The following LINGO2 variants were observed in gnomAD, a reference collection of about 807,000 sequenced individuals.
LINGO2 encodes the protein leucine rich repeat and Ig domain containing 2.
Under a neutral mutation model 30.6 loss-of-function variants are expected in LINGO2, and 14 were observed. The observed-to-expected ratio is 0.46, with a 90% confidence interval of 0.30 to 0.72. The LOEUF is 0.72. Among genes scored for constraint, LINGO2 ranks in the 30% least tolerant of loss-of-function variants. The probability of loss-of-function intolerance (pLI) is 0.07; values close to 1 mark genes in which losing one functional copy is unlikely to be tolerated. For synonymous variants in LINGO2, 317 were observed against 288.5 expected (o/e 1.10, Z -1.00); for missense variants, 729 against 751.7 (o/e 0.97, Z 0.35).
At chr9:29,080,107 T>A in the LINGO2 span, among the ~76,000 whole-genome samples, 1 of 152,116 alleles carries the variant, frequency 6.6e-6, no homozygotes, top group African/African-American at 2.4e-5. Context: ...TATTAATTAT[T>A]GCCTCAATTT....
intron 1 of LINGO2, among the ~76,000 whole-genome samples, chr9:28,539,545 T>A (rs1323900759): frequency 6.6e-6 from 1 of 152,150 alleles, no homozygotes; most frequent in Non-Finnish European, 1.5e-5. Context: ...ATTGTGAACC[T>A]TGTAATGAAA....
At chr9:28,989,139 C>A in the LINGO2 span, among the ~76,000 whole-genome samples, 1 of 152,182 alleles carries the variant, frequency 6.6e-6, no homozygotes, top group Non-Finnish European at 1.5e-5. Flanking sequence ...CCAGTACCTT[C>A]AAAGGACACT....
chr9:28,778,153 T>A, the LINGO2 span, among the ~76,000 whole-genome samples: 1 of 152,158 alleles, frequency 6.6e-6, no homozygotes, highest in African/African-American at 2.4e-5. Context: ...AGCAAGCAGT[T>A]CCTTCATTGG....
intron 4 of LINGO2, among the ~76,000 whole-genome samples, chr9:28,051,966 T>G (rs1248212929): frequency 5.3e-5 from 8 of 152,084 alleles, no homozygotes; most frequent in African/African-American, 1.9e-4. Flanking sequence ...CTGGGCACTG[T>G]AAGCATTGCC....
the LINGO2 span, among the ~76,000 whole-genome samples, chr9:28,708,113 G>C: frequency 6.6e-6 from 1 of 152,044 alleles, no homozygotes; most frequent in Non-Finnish European, 1.5e-5. Flanking sequence ...ATGAAATAAA[G>C]ATTGGCAGAA....
chr9:29,029,804 G>A, the LINGO2 span, among the ~76,000 whole-genome samples: 1 of 151,572 alleles, frequency 6.6e-6, no homozygotes, highest in Non-Finnish European at 1.5e-5. Context: ...TTCTGCCTCA[G>A]TTATTCTCAA....
At chr9:28,451,557 G>A (rs1332825546) in intron 2 of LINGO2, among the ~76,000 whole-genome samples, 1 of 151,584 alleles carries the variant, frequency 6.6e-6, no homozygotes, top group Non-Finnish European at 1.5e-5. Flanking sequence ...CCACAAATTG[G>A]GTTAGTATGG....
the LINGO2 span, among the ~76,000 whole-genome samples, chr9:28,743,004 C>T: frequency 2.0e-5 from 3 of 151,754 alleles, no homozygotes; most frequent in Non-Finnish European, 4.4e-5. Flanking sequence ...ACATAATTGC[C>T]TATATGATAT....
chr9:28,644,717 A>C lies in LINGO2; in HGVS notation c.-365+25483T>G, dbSNP rs12686821. Among the ~76,000 whole-genome samples, 430 of 152,208 alleles carry C rather than the reference A, an allele frequency of 2.8e-3. 7 individuals carry two copies. In the East Asian group the frequency reaches 0.047, roughly 17 times the overall value. On this transcript the variant is annotated intron_variant, in intron 1 of 5. Coordinates refer to ENST00000379992, the Ensembl canonical transcript of LINGO2. ...TGGACTGTTTGTAAAGCAAAGGATA[A>C]ATCCTTGATGGAACAGAAGCCCCAT...
At chr9:29,147,552 G>A in the LINGO2 span, among the ~76,000 whole-genome samples, 1 of 152,022 alleles carries the variant, frequency 6.6e-6, no homozygotes, top group Non-Finnish European at 1.5e-5. Flanking sequence ...ACATGCTCCA[G>A]AAACAATGCC....
intron 4 of LINGO2, among the ~76,000 whole-genome samples, chr9:28,248,534 A>G (rs917699778): frequency 1.3e-5 from 2 of 152,158 alleles, no homozygotes; most frequent in African/African-American, 4.8e-5. Flanking sequence ...GAAAGAATGA[A>G]TAAGACCTAG....
At chr9:28,043,389 TGAG>T (rs1369630051) in intron 4 of LINGO2, among the ~76,000 whole-genome samples, 3 of 152,146 alleles carry the variant, frequency 2.0e-5, no homozygotes, top group African/African-American at 7.2e-5. Flanking sequence ...CTGTACACAT[TGAG>T]GAAGATTTTT....
the LINGO2 span, among the ~76,000 whole-genome samples, chr9:29,185,288 GAACAA>G: frequency 6.6e-6 from 1 of 152,058 alleles, no homozygotes; most frequent in Non-Finnish European, 1.5e-5. Flanking sequence ...GTACTCTATG[GAACAA>G]AGTAAGTCTC....
At chr9:28,687,640 C>T in the LINGO2 span, among the ~76,000 whole-genome samples, 1 of 152,032 alleles carries the variant, frequency 6.6e-6, no homozygotes, top group African/African-American at 2.4e-5. Context: ...CCACAGTGTG[C>T]TTGCTCCATC....
chr9:28,704,587 T>C, the LINGO2 span, among the ~76,000 whole-genome samples: 1 of 150,944 alleles, frequency 6.6e-6, no homozygotes, highest in African/African-American at 2.4e-5. Flanking sequence ...GTATTCTGTA[T>C]TTTTTTTTCA....
At chr9:29,094,859 T>A in the LINGO2 span, among the ~76,000 whole-genome samples, 1 of 139,406 alleles carries the variant, frequency 7.2e-6, no homozygotes, top group Non-Finnish European at 1.6e-5. Context: ...TATATTTCTA[T>A]CTGACAGCAC....
the LINGO2 span, among the ~76,000 whole-genome samples, chr9:29,209,512 A>AAAGG: frequency 6.6e-6 from 1 of 152,156 alleles, no homozygotes; most frequent in Non-Finnish European, 1.5e-5. Context: ...GGGAAGAAGA[A>AAAGG]AAGGAAGGAA....
chr9:28,955,926 C>T, the LINGO2 span, among the ~76,000 whole-genome samples: 3 of 152,030 alleles, frequency 2.0e-5, no homozygotes, highest in East Asian at 5.8e-4. Flanking sequence ...AACGACCATG[C>T]CCAGCCCCAC....
chr9:28,560,538 T>A (rs1027450216), intron 1 of LINGO2, among the ~76,000 whole-genome samples: 1 of 152,130 alleles, frequency 6.6e-6, no homozygotes, highest in Admixed American at 6.5e-5. Context: ...ATACACATCC[T>A]ATTGATTGTC....
Sources: allele counts gnomAD v4.1 joint callset (sites outside exome capture counted in the v4.1 genomes callset), GRCh38; gene constraint gnomAD v4.1.1; transcripts MANE v1.5; gene names NCBI Gene and HGNC (gene_info 2026-07-23, HGNC 2026-07-21).